Variants in RAB5A observed in about 807,000 individuals in gnomAD.
RAB5A encodes the protein RAB5A, member RAS oncogene family, also known as ras-related protein Rab-5A.
A neutral mutation model predicts 25.7 loss-of-function variants in RAB5A; 8 were observed. That is an observed-to-expected ratio of 0.31 (90% CI 0.18 to 0.56). The LOEUF (loss-of-function observed/expected upper bound fraction) is 0.56. RAB5A is among the 20% of genes least tolerant of loss of function. The pLI is 0.91. For missense variants in RAB5A, 192 were observed against 259.7 expected (o/e 0.74, Z 1.79); for synonymous variants, 98 against 89.8 (o/e 1.09, Z -0.52).
chr3:19,978,838 AT>A (rs1209867297), intron 5 of RAB5A: 1 of 152,808 alleles, frequency 6.5e-6, no homozygotes, highest in Non-Finnish European at 1.5e-5. Context: ...TTGACAAATT[AT>A]TTTAATGTAA....
At position 19,954,829 on chromosome 3, in the gene RAB5A, A is replaced by G. The variant is rs1461292333; in HGVS notation, c.163+3768A>G. ...AGAACCCTGTCTCAAAAACAAAACA[A>G]AACAAAGAATCCCTGTTGCCTCACC... On this transcript the variant is annotated intron_variant, in intron 2 of 5. Transcript: ENST00000273047. Among the ~76,000 whole-genome samples, 5 of 152,098 alleles carry G rather than the reference A, an allele frequency of 3.3e-5. No individual in the cohort carries two copies. The East Asian group carries it at 9.6e-4, about 29-fold the overall frequency.
At chr3:19,953,776 G>C (rs1303071683) in intron 2 of RAB5A, among the ~76,000 whole-genome samples, 2 of 152,030 alleles carry the variant, frequency 1.3e-5, no homozygotes, top group African/African-American at 4.8e-5. Flanking sequence ...TATTCAGGAG[G>C]TATGACAGTA....
intron 4 of RAB5A, 129 bp downstream of exon 4, chr3:19,976,298 TATAAA>T (rs1180460677): frequency 1.0e-6 from 1 of 1,004,708 alleles, no homozygotes; most frequent in Non-Finnish European, 1.4e-6. Flanking sequence ...TTAAAACAAA[TATAAA>T]GTACTACATA....
At chr3:19,970,478 C>T in intron 2 of RAB5A, 1 of 447,808 alleles carries the variant, frequency 2.2e-6, no homozygotes, top group East Asian at 7.1e-5. Context: ...TCAGAGGGAG[C>T]CTATCAGACA....
intron 5 of RAB5A, chr3:19,978,723 T>G (rs1186207798): frequency 1.6e-5 from 3 of 183,478 alleles, no homozygotes; most frequent in Non-Finnish European, 3.4e-5. Context: ...TGCAAAGGTT[T>G]CGCTGGGAAA....
At chr3:19,970,608 C>G in intron 2 of RAB5A, 1 of 456,680 alleles carries the variant, frequency 2.2e-6, no homozygotes, top group South Asian at 1.5e-5. Flanking sequence ...AGAAAACCAA[C>G]TGCTAGTGCT....
Position 19,984,320 on chromosome 3 carries a change from C to T in RAB5A, c.*497C>T, listed in dbSNP as rs1369831451. 1 of 410,208 alleles carries T rather than the reference C, an allele frequency of 2.4e-6. No individual in the cohort carries two copies. The highest frequency in any genetic ancestry group is 4.8e-6 in the Non-Finnish European group (1 of 209,992). The allele number at this position is 410,208 out of a possible 1,614,324, so 25.4% of individuals were successfully genotyped here. ...ACCTGTATTTAAAATGTACATTCCA[C>T]ATTTTAATAAATTAACCACAAGAAA... On this transcript the variant is annotated 3_prime_UTR_variant, in exon 6 of 6. Transcript: ENST00000273047.
At chr3:19,952,180 T>TA (rs1021342743) in intron 2 of RAB5A, among the ~76,000 whole-genome samples, 8 of 151,960 alleles carry the variant, frequency 5.3e-5, no homozygotes, top group African/African-American at 1.7e-4. Context: ...ACCCATCTCT[T>TA]AAAAAAAATT....
At chr3:19,974,857 T>C (rs1238380199) in intron 2 of RAB5A, among the ~76,000 whole-genome samples, 3 of 152,318 alleles carry the variant, frequency 2.0e-5, no homozygotes, top group African/African-American at 7.2e-5. Flanking sequence ...GATGGTACTT[T>C]TAGGCACACT....
At position 19,963,376 on chromosome 3, in the gene RAB5A, C is replaced by CCG. The variant is rs1553638835; in HGVS notation, c.164-12224_164-12223insGC. Among the ~76,000 whole-genome samples, 373 of 86,858 alleles carry CCG rather than the reference C, an allele frequency of 4.3e-3. 22 individuals are homozygous for CCG. The highest frequency in any genetic ancestry group is 0.017 in the African/African-American group (340 of 19,916). The allele number at this position is 86,858 out of a possible 152,430, so 57.0% of individuals were successfully genotyped here. A position where few individuals can be genotyped will look rare whatever the true frequency, so the allele number is the denominator to read the frequency against. ...ATCTTAGAATTTCACCCCCCCCCCC[C>CCG]CCGACTTATTTTCGTAAGATCAATT... On this transcript the variant is annotated intron_variant, in intron 2 of 5. Coordinates refer to ENST00000273047, the MANE Select transcript of RAB5A (RefSeq NM_004162.5).
Position 19,964,385 on chromosome 3 carries a change from T to A in RAB5A, c.164-11216T>A, listed in dbSNP as rs115014869. 7.8e-3 allele frequency among the ~76,000 whole-genome samples: 1,191 copies of A among 152,304 alleles called. 14 individuals are homozygous for A. The highest frequency in any genetic ancestry group is 0.027 in the African/African-American group (1,106 of 41,556). The stretch of plus-strand genomic sequence containing the variant: ...AATAACTCGTACCCTGTCATTTTTT[T>A]AAAAATACCCTTTGTTTTTGTAATG... On this transcript the variant is annotated intron_variant, in intron 2 of 5. Coordinates refer to ENST00000273047, the MANE Select transcript of RAB5A (RefSeq NM_004162.5).
intron 2 of RAB5A, among the ~76,000 whole-genome samples, chr3:19,953,762 A>G (rs953207501): frequency 6.6e-6 from 1 of 152,186 alleles, no homozygotes; most frequent in Admixed American, 6.5e-5. Context: ...CCCCATGTGA[A>G]TACTATTCAG....
chr3:19,978,193 T>A, intron 4 of RAB5A, 117 bp from the exon 5 acceptor site: 1 of 736,760 alleles, frequency 1.4e-6, no homozygotes, highest in Admixed American at 2.3e-5. Context: ...TATAGATGAT[T>A]ATAGGAATCA....
chr3:19,947,563 CCCCAGGTTAT>C (rs1696338067), intron 1 of RAB5A, 42 bp downstream of exon 1: 1 of 152,462 alleles, frequency 6.6e-6, no homozygotes, highest in African/African-American at 2.4e-5. Flanking sequence ...GGGGCCTGGA[CCCCAGGTTAT>C]CCGCGGTCCC....
At chr3:19,980,612 T>C (rs1352566665) in intron 5 of RAB5A, among the ~76,000 whole-genome samples, 2 of 152,192 alleles carry the variant, frequency 1.3e-5, no homozygotes, top group African/African-American at 4.8e-5. Context: ...ATTTAAACAC[T>C]TAGGGAACAT....
chr3:19,966,417 A>G (rs1194783312), intron 2 of RAB5A, among the ~76,000 whole-genome samples: 1 of 152,210 alleles, frequency 6.6e-6, no homozygotes, highest in Non-Finnish European at 1.5e-5. Flanking sequence ...TTGTATGTAT[A>G]TACTTCATCT....
chr3:19,975,453 A>G, intron 2 of RAB5A, 148 bp from the exon 3 acceptor site: 3 of 670,416 alleles, frequency 4.5e-6, no homozygotes, highest in Non-Finnish European at 7.0e-6. Flanking sequence ...TTCCCCCCTC[A>G]TTTATTACTT....
intron 2 of RAB5A, among the ~76,000 whole-genome samples, chr3:19,951,654 C>T (rs1449078277): frequency 1.3e-5 from 2 of 149,450 alleles, no homozygotes; most frequent in Admixed American, 6.7e-5. Context: ...GCCTTAGCCT[C>T]CCACCAAGTA....
At chr3:19,981,240 G>A (rs1368425607) in intron 5 of RAB5A, among the ~76,000 whole-genome samples, 1 of 152,144 alleles carries the variant, frequency 6.6e-6, no homozygotes, top group Non-Finnish European at 1.5e-5. Flanking sequence ...ACTCGATGGG[G>A]TGAAAGTGAT....
Sources: gnomAD v4.1 joint callset for allele counts (sites outside exome capture counted in the v4.1 genomes callset) on GRCh38, gnomAD v4.1.1 for gene constraint, MANE v1.5 for transcripts, NCBI Gene and HGNC (gene_info 2026-07-23, HGNC 2026-07-21) for gene names.